COLGALT2: variants seen among roughly 807,000 people sequenced by gnomAD.
COLGALT2 encodes procollagen galactosyltransferase 2.
In COLGALT2, 49 loss-of-function variants were observed where a neutral mutation model predicts 73.4. That is an observed-to-expected ratio of 0.67 (90% CI 0.53 to 0.85). The LOEUF (loss-of-function observed/expected upper bound fraction) is 0.85, where lower values mean the gene tolerates loss of function less well. Among genes scored for constraint, COLGALT2 ranks in the 40% least tolerant of loss-of-function variants. COLGALT2 has a pLI of 0.00. For missense variants in COLGALT2, 722 were observed against 790.2 expected (o/e 0.91, Z 1.03); for synonymous variants, 295 against 307.6 (o/e 0.96, Z 0.43).
intron 1 of COLGALT2, among the ~76,000 whole-genome samples, chr1:184,011,372 T>C (rs767847104): frequency 7.2e-5 from 11 of 152,336 alleles, no homozygotes; most frequent in Middle Eastern, 3.4e-3. Context: ...CTGGGAAAGA[T>C]AAATTATCCA....
At chr1:183,939,879 G>C (rs571267083) in intron 11 of COLGALT2, among the ~76,000 whole-genome samples, 1 of 152,274 alleles carries the variant, frequency 6.6e-6, no homozygotes. Flanking sequence ...GTAGCATTTG[G>C]ACTAGGCTCT....
intron 4 of COLGALT2, among the ~76,000 whole-genome samples, chr1:183,972,138 C>A (rs1671054335): frequency 6.6e-6 from 1 of 152,212 alleles, no homozygotes; most frequent in Non-Finnish European, 1.5e-5. Flanking sequence ...GAGACAGGGT[C>A]TCAGTTGCTT....
At chr1:183,999,267 T>C (rs1386789324) in intron 1 of COLGALT2, among the ~76,000 whole-genome samples, 2 of 152,146 alleles carry the variant, frequency 1.3e-5, no homozygotes, top group African/African-American at 2.4e-5. Context: ...AAAATGCATC[T>C]GTAGATTCTC....
rs190127370 is a variant in COLGALT2 at position 183,987,941 on chromosome 1, T to C, written c.264-9421A>G. Among the ~76,000 whole-genome samples, 773 of 152,326 alleles carry C rather than the reference T, an allele frequency of 5.1e-3. 6 individuals are homozygous for C. Among genetic ancestry groups the C allele is most frequent in the Non-Finnish European group, 5.7e-3 (389 of 68,032 alleles). On this transcript the variant is annotated intron_variant, in intron 1 of 11. Coordinates refer to ENST00000361927, the MANE Select transcript of COLGALT2 (RefSeq NM_015101.4). ...TACAAACTTTTAGGCTGAAATGCCA[T>C]GAAAATATTCCACCCTGGCAGGAGG...
At chr1:183,931,820 A>C (rs1424495901), downstream of COLGALT2, among the ~76,000 whole-genome samples, 12 of 151,802 alleles carry the variant, frequency 7.9e-5, no homozygotes, top group African/African-American at 2.2e-4. Context: ...AAGAAGAAGA[A>C]GACTGAATGA....
Position 183,937,563 on chromosome 1 carries a change from A to T in COLGALT2, c.*1198T>A. The T allele has an allele frequency of 1.0e-6, 1 of 985,372 alleles. No individual in the cohort carries two copies. Among genetic ancestry groups the T allele is most frequent in the Non-Finnish European group, 1.2e-6 (1 of 829,936 alleles). The allele number at this position is 985,372 out of a possible 1,614,324, so 61.0% of individuals were successfully genotyped here. A position where few individuals can be genotyped will look rare whatever the true frequency, so the allele number is the denominator to read the frequency against. ...TTTCTGACCAGGTTTCTCACCTGAG[A>T]TAGAGAATCATTTGTTTCCAAATAG... is the stretch of plus-strand genomic sequence containing the variant. On this transcript the variant is annotated 3_prime_UTR_variant, in exon 12 of 12. Coordinates refer to ENST00000361927, the MANE Select transcript of COLGALT2 (RefSeq NM_015101.4).
chr1:184,025,393 G>A (rs540400389), intron 1 of COLGALT2, among the ~76,000 whole-genome samples: 1 of 152,324 alleles, frequency 6.6e-6, no homozygotes, highest in African/African-American at 2.4e-5. Context: ...TACCCAGAGA[G>A]GATTAGAGGC....
chr1:184,024,426 C>A (rs1649269181), intron 1 of COLGALT2, among the ~76,000 whole-genome samples: 1 of 150,984 alleles, frequency 6.6e-6, no homozygotes, highest in African/African-American at 2.4e-5. Flanking sequence ...GATCTCGGCT[C>A]ACTGCAACCT....
intron 11 of COLGALT2, among the ~76,000 whole-genome samples, chr1:183,939,679 A>G (rs10911472): frequency 0.23 from 35,431 of 152,066 alleles, 4,375 homozygotes; most frequent in Non-Finnish European, 0.26. Context: ...AGGGCACACA[A>G]CTCCATTTTT....
intron 1 of COLGALT2, among the ~76,000 whole-genome samples, chr1:183,997,291 A>G (rs569562542): frequency 1.3e-5 from 2 of 152,188 alleles, no homozygotes; most frequent in African/African-American, 4.8e-5. Flanking sequence ...TTTACCATGT[A>G]AGATTATATA....
rs767432963 is a variant in COLGALT2 at position 183,969,298 on chromosome 1, A to G, written c.803T>C (p.Ile268Thr). ...TTGCCTGCTGGAGAAGGCAAAGACA[A>G]TGATGTCATCAAAGGTCCAGGTGTA... ...QDYTWTFDDI[I>T]VFAFSSRQAG... Residue 268 changes from isoleucine to threonine, a missense_variant, in exon 5 of 12, where the codon ATT becomes ACT. Coordinates refer to ENST00000361927, the MANE Select transcript of COLGALT2 (RefSeq NM_015101.4). The G allele has an allele frequency of 1.9e-6, 3 of 1,613,268 alleles. No individual in the cohort carries two copies. In the African/African-American group the frequency reaches 4.0e-5, roughly 22 times the overall value.
At chr1:183,969,560 T>A in intron 4 of COLGALT2, 87 bp from the exon 5 acceptor site, 1 of 1,217,258 alleles carries the variant, frequency 8.2e-7, no homozygotes, top group Non-Finnish European at 1.1e-6. Context: ...TCCTTTCAAG[T>A]CATTACCAGC....
chr1:183,964,598 A>C (rs1670814595), intron 5 of COLGALT2: 1 of 152,480 alleles, frequency 6.6e-6, no homozygotes, highest in Admixed American at 6.5e-5. Context: ...TGAAACTTCC[A>C]AAATCAGTTC....
chr1:183,977,369 G>A (rs773917197), intron 2 of COLGALT2, among the ~76,000 whole-genome samples: 1 of 151,836 alleles, frequency 6.6e-6, no homozygotes, highest in Admixed American at 6.6e-5. Context: ...TACTCGGGAG[G>A]CTGAGGCAGG....
intron 5 of COLGALT2, among the ~76,000 whole-genome samples, chr1:183,966,379 T>C (rs1670872240): frequency 6.6e-6 from 1 of 152,222 alleles, no homozygotes; most frequent in Admixed American, 6.5e-5. Flanking sequence ...ACTCATATAG[T>C]ACCTTAACAT....
At chr1:183,955,896 GC>G (rs1670542907) in intron 6 of COLGALT2, among the ~76,000 whole-genome samples, 1 of 152,174 alleles carries the variant, frequency 6.6e-6, no homozygotes, top group Non-Finnish European at 1.5e-5. Context: ...GTTACTCAGG[GC>G]TATATGACTT....
In COLGALT2 at chr1:184,037,244, G is replaced by T. The variant is rs1409097115; in HGVS notation, c.114C>A (p.Asp38Glu). The change falls in exon 1 of 12, where the codon GAC becomes GAA. Residue 38 changes from aspartate to glutamate, a missense_variant. By Grantham distance (45) the Asp-to-Glu change is conservative. Transcript: ENST00000361927. ...RFVAERDSEDDGEEPVVFPES... is the reference protein window; with the variant it reads ...RFVAERDSEDEGEEPVVFPES... ...CCGGGAAAACCACCGGCTCCTCTCC[G>T]TCGTCCTCCGAGTCCCGCTCGGCGA... 1 of 1,584,160 alleles carries T rather than the reference G, an allele frequency of 6.3e-7. No homozygotes were observed. The highest frequency in any genetic ancestry group is 8.6e-7 in the Non-Finnish European group (1 of 1,167,188).
At chr1:183,973,351 C>T (rs1039407695) in intron 4 of COLGALT2, among the ~76,000 whole-genome samples, 5 of 151,954 alleles carry the variant, frequency 3.3e-5, no homozygotes, top group Admixed American at 1.3e-4. Flanking sequence ...AATAGTAATT[C>T]CTGAATCAGG....
In COLGALT2 at chr1:183,973,412, C is replaced by A. The variant is rs190241123; in HGVS notation, c.627+204G>T. Reference sequence around the variant, plus strand: ...GCTAAGCTCTTTAGACTATTTTTTTCATAATAAATTAACACAGAAGAGCCC... The same window carrying A: ...GCTAAGCTCTTTAGACTATTTTTTTAATAATAAATTAACACAGAAGAGCCC... On this transcript the variant is annotated intron_variant, in intron 4 of 11. Transcript: ENST00000361927. 7.9e-5 allele frequency among the ~76,000 whole-genome samples: 12 copies of A among 152,068 alleles called. No individual in the cohort carries two copies. The East Asian group carries it at 1.7e-3, about 22-fold the overall frequency.
Sources: allele counts gnomAD v4.1 joint callset (sites outside exome capture counted in the v4.1 genomes callset), GRCh38; gene constraint gnomAD v4.1.1; transcripts MANE v1.5; gene names NCBI Gene and HGNC (gene_info 2026-07-23, HGNC 2026-07-21).